DNAJC5: variants seen among roughly 807,000 people sequenced by gnomAD.
DNAJC5 encodes the protein DnaJ heat shock protein family (Hsp40) member C5.
DNAJC5 carries 1 observed loss-of-function variant against 23.2 expected under a neutral mutation model. That is an observed-to-expected ratio of 0.04 (90% CI 0.02 to 0.20). The LOEUF (loss-of-function observed/expected upper bound fraction) is 0.20, where lower values mean the gene tolerates loss of function less well. Among genes scored for constraint, DNAJC5 ranks in the 10% least tolerant of loss-of-function variants. DNAJC5 has a pLI of 1.00. For synonymous variants in DNAJC5, 136 were observed against 120.0 expected (o/e 1.13, Z -0.87); for missense variants, 180 against 267.0 (o/e 0.67, Z 2.27).
At position 63,928,478 on chromosome 20, in the gene DNAJC5, A is replaced by G; in HGVS notation, c.107+26A>G. 6.3e-7 allele frequency: 1 copy of G among 1,587,678 alleles called. No homozygotes were observed. The highest frequency in any genetic ancestry group is 8.6e-7 in the Non-Finnish European group (1 of 1,156,132). ...GTAAGTGGACAAGTGTGGCCCCCAC[A>G]TCCCCCCAGGAAGACACACATGCCC... On this transcript the variant is annotated intron_variant, in intron 2 of 4. Coordinates refer to ENST00000360864, the MANE Select transcript of DNAJC5 (RefSeq NM_025219.3). This position sits in a 1 kb window ranked among gnomAD's most constrained non-coding sequence, Gnocchi z 4.6.
At position 63,920,200 on chromosome 20, in the gene DNAJC5, A is replaced by AGGCTCAG. The variant is rs1326847754; in HGVS notation, c.-11-8129_-11-8123dup. ...TGTGGCAGGGGAGGTTCCCAAGAGC[A>AGGCTCAG]GGCTCAGGGCTCTGGGGTCTGAGTG... On this transcript the variant is annotated intron_variant, in intron 1 of 4. Transcript: ENST00000360864. This position sits in a 1 kb window ranked among gnomAD's most constrained non-coding sequence, Gnocchi z 4.6. 3.3e-5 allele frequency among the ~76,000 whole-genome samples: 5 copies of AGGCTCAG among 152,262 alleles called. No homozygotes were observed. Among genetic ancestry groups the AGGCTCAG allele is most frequent in the Non-Finnish European group, 7.3e-5 (5 of 68,046 alleles).
rs143044033 is a variant in DNAJC5, at chr20:63,897,015, G to A, written c.-12+1692G>A. Among the ~76,000 whole-genome samples, 10 of 152,252 alleles carry A rather than the reference G, an allele frequency of 6.6e-5. No homozygotes were observed. In the East Asian group the frequency reaches 1.9e-3, roughly 29 times the overall value. On this transcript the variant is annotated intron_variant, in intron 1 of 4. Coordinates refer to ENST00000360864, the MANE Select transcript of DNAJC5 (RefSeq NM_025219.3). ...AATGAGGAAAGACAGCCAGGTAAGG[G>A]GTGGCTTGGAAGGGTGCATGGGACC...
intron 1 of DNAJC5, among the ~76,000 whole-genome samples, chr20:63,921,363 T>A (rs6122213): frequency 6.6e-6 from 1 of 151,846 alleles, no homozygotes; most frequent in Admixed American, 6.6e-5. Context: ...AGGCCGAGGC[T>A]GGTGGATCAC....
In DNAJC5 at chr20:63,928,566, C is replaced by T. The variant is rs571273049; in HGVS notation, c.107+114C>T. ...ACATACTTTATCCTGGCCGACTCAG[C>T]GTTGAACTGGTCACAGCTCGGTAAC... On this transcript the variant is annotated intron_variant, in intron 2 of 4. Transcript: ENST00000360864. The surrounding 1 kb of genome is among the most constrained non-coding windows in gnomAD (Gnocchi z 4.6). The T allele has an allele frequency of 5.8e-6, 5 of 857,096 alleles. No homozygotes were observed. The highest frequency in any genetic ancestry group is 5.1e-5 in the East Asian group (2 of 38,910). The allele number at this position is 857,096 out of a possible 1,614,324, so 53.1% of individuals were successfully genotyped here.
intron 1 of DNAJC5, among the ~76,000 whole-genome samples, chr20:63,905,463 CTGGT>C (rs2146275194): frequency 6.6e-6 from 1 of 152,142 alleles, no homozygotes; most frequent in Admixed American, 6.6e-5. Flanking sequence ...CTTGCCCAGG[CTGGT>C]TTACAGTGGT....
At chr20:63,900,288 A>G (rs1026081485) in intron 1 of DNAJC5, among the ~76,000 whole-genome samples, 6 of 152,064 alleles carry the variant, frequency 3.9e-5, no homozygotes, top group Admixed American at 3.3e-4. Context: ...CATGTCTCTG[A>G]AAATTCTGGG....
At chr20:63,908,801 AAAAG>A (rs1568977507) in intron 1 of DNAJC5, among the ~76,000 whole-genome samples, 2 of 152,100 alleles carry the variant, frequency 1.3e-5, no homozygotes, top group Admixed American at 6.6e-5. Flanking sequence ...CCCCATCTCA[AAAAG>A]AAAAGAAAAG....
At chr20:63,930,253 A>C (rs1293237424) in intron 3 of DNAJC5, among the ~76,000 whole-genome samples, 2 of 152,140 alleles carry the variant, frequency 1.3e-5, no homozygotes, top group Non-Finnish European at 2.9e-5. Context: ...ATCCTGGCTC[A>C]CTTTAACTTT....
intron 1 of DNAJC5, among the ~76,000 whole-genome samples, chr20:63,914,881 G>A (rs1444444703): frequency 1.3e-5 from 2 of 152,190 alleles, no homozygotes; most frequent in Non-Finnish European, 2.9e-5. Flanking sequence ...CTACCAAAAT[G>A]TTGGGATTAC....
intron 1 of DNAJC5, among the ~76,000 whole-genome samples, chr20:63,925,825 GTTTTTT>G (rs376376541): frequency 2.4e-5 from 3 of 123,972 alleles, no homozygotes; most frequent in African/African-American, 3.2e-5. Context: ...ATTTTATCTG[GTTTTTT>G]TTTTTTTTTT....
intron 1 of DNAJC5, among the ~76,000 whole-genome samples, chr20:63,922,497 G>T (rs1179717218): frequency 6.6e-6 from 1 of 151,716 alleles, no homozygotes; most frequent in Non-Finnish European, 1.5e-5. Flanking sequence ...CATCAGAAAG[G>T]GTTGGCTCCT....
intron 3 of DNAJC5, among the ~76,000 whole-genome samples, chr20:63,930,056 TC>T (rs2053654004): frequency 6.6e-6 from 1 of 152,240 alleles, no homozygotes; most frequent in Non-Finnish European, 1.5e-5. Context: ...TTTCTTCGTT[TC>T]CTCGTTTTGT....
At chr20:63,924,655 C>T (rs768957848) in intron 1 of DNAJC5, among the ~76,000 whole-genome samples, 1 of 152,204 alleles carries the variant, frequency 6.6e-6, no homozygotes, top group Non-Finnish European at 1.5e-5. Flanking sequence ...AGTCCGTGAC[C>T]AGCCTGGACA....
At chr20:63,910,412 G>A (rs1384295808) in intron 1 of DNAJC5, among the ~76,000 whole-genome samples, 4 of 151,884 alleles carry the variant, frequency 2.6e-5, no homozygotes, top group Non-Finnish European at 5.9e-5. Flanking sequence ...GCATGGTTGC[G>A]AGTGCCTGTA....
Position 63,929,557 on chromosome 20 carries a change from C to T in DNAJC5, c.321+32C>T, listed in dbSNP as rs565725554. 19 of 1,609,292 alleles carry T rather than the reference C, an allele frequency of 1.2e-5. No individual in the cohort carries two copies. Among genetic ancestry groups the T allele is most frequent in the African/African-American group, 8.0e-5 (6 of 74,872 alleles). On this transcript the variant is annotated intron_variant, in intron 3 of 4. Coordinates refer to ENST00000360864, the MANE Select transcript of DNAJC5 (RefSeq NM_025219.3). This position sits in a 1 kb window ranked among gnomAD's most constrained non-coding sequence, Gnocchi z 8.6. Reference sequence around the variant, plus strand: ...GCGAGCTGCCTGCCGTGCGGGCACCCGAGTCACTCCTGCCGTGCGGGCACC... The same window carrying T: ...GCGAGCTGCCTGCCGTGCGGGCACCTGAGTCACTCCTGCCGTGCGGGCACC...
chr20:63,915,378 G>A (rs2053509363), intron 1 of DNAJC5, among the ~76,000 whole-genome samples: 1 of 151,000 alleles, frequency 6.6e-6, no homozygotes, highest in African/African-American at 2.4e-5. Context: ...CATTTAAACG[G>A]TTCAGATGCT....
At position 63,932,083 on chromosome 20, in the gene DNAJC5, C is replaced by T; in HGVS notation, c.*515C>T. On this transcript the variant is annotated 3_prime_UTR_variant, in exon 5 of 5. Coordinates refer to ENST00000360864, the MANE Select transcript of DNAJC5 (RefSeq NM_025219.3). This position sits in a 1 kb window ranked among gnomAD's most constrained non-coding sequence, Gnocchi z 4.4. ...TGAGGCTGCAGTAGGACTCTGATCT[C>T]ACCTGCCAGAAGAGAGGCGGGGCCG... is the stretch of plus-strand genomic sequence containing the variant. 1 of 202,718 alleles carries T rather than the reference C, an allele frequency of 4.9e-6. No homozygotes were observed. The allele number at this position is 202,718 out of a possible 1,614,324, so 12.6% of individuals were successfully genotyped here.
chr20:63,919,358 C>A (rs2053543315), intron 1 of DNAJC5: 5 of 515,960 alleles, frequency 9.7e-6, no homozygotes, highest in Non-Finnish European at 1.9e-5. Context: ...GCTGTGATGG[C>A]ACCGACGTGT....
chr20:63,909,136 A>T (rs1490672717), intron 1 of DNAJC5: 1 of 151,822 alleles, frequency 6.6e-6, no homozygotes, highest in Non-Finnish European at 1.5e-5. Context: ...AAAAAATAAA[A>T]ATACAAAAAT....
Sources: gnomAD v4.1 joint callset for allele counts (sites outside exome capture counted in the v4.1 genomes callset) on GRCh38, gnomAD v4.1.1 for gene constraint, Gnocchi (gnomAD v3.1) non-coding constraint, MANE v1.5 for transcripts, NCBI Gene and HGNC (gene_info 2026-07-23, HGNC 2026-07-21) for gene names.